The following ZNF131 variants were observed in gnomAD, a reference collection of about 807,000 sequenced individuals.
ZNF131 encodes the protein zinc finger and BTB domain containing 35, also known as zinc finger protein 131.
In ZNF131, 7 loss-of-function variants were observed where a neutral mutation model predicts 60.0. The ratio of observed to expected loss-of-function variants is 0.12; its 90% CI spans 0.07 to 0.22. ZNF131 has a LOEUF of 0.22. Among genes scored for constraint, ZNF131 ranks in the 10% least tolerant of loss-of-function variants. The pLI is 1.00. For missense variants in ZNF131, 493 were observed against 740.9 expected (o/e 0.67, Z 3.88); for synonymous variants, 257 against 253.2 (o/e 1.01, Z -0.14).
intron 4 of ZNF131, among the ~76,000 whole-genome samples, chr5:43,156,360 T>C (rs1209153422): frequency 6.6e-6 from 1 of 152,190 alleles, no homozygotes; most frequent in Non-Finnish European, 1.5e-5. Flanking sequence ...GATGAGTATA[T>C]TGCTTTCAGT....
At chr5:43,143,998 C>T (rs556163092) in intron 4 of ZNF131, among the ~76,000 whole-genome samples, 2 of 140,550 alleles carry the variant, frequency 1.4e-5, no homozygotes, top group African/African-American at 5.2e-5. Flanking sequence ...TCTTGGCTCA[C>T]TGCAAGCTCC....
intron 4 of ZNF131, chr5:43,143,489 C>A: frequency 8.9e-7 from 1 of 1,121,346 alleles, no homozygotes. Flanking sequence ...AATTTCCTAT[C>A]CCACTGGAAC....
chr5:43,159,712 A>G (rs1156364710), intron 4 of ZNF131, among the ~76,000 whole-genome samples: 2 of 151,492 alleles, frequency 1.3e-5, no homozygotes, highest in African/African-American at 4.8e-5. Context: ...AAAAAAAAAA[A>G]ACCAAACAAA....
At chr5:43,160,431 T>C (rs921746129) in intron 4 of ZNF131, among the ~76,000 whole-genome samples, 1 of 146,396 alleles carries the variant, frequency 6.8e-6, no homozygotes, top group African/African-American at 2.5e-5. Flanking sequence ...GCCCAAGAGG[T>C]TGAAGCCACA....
intron 5 of ZNF131, among the ~76,000 whole-genome samples, chr5:43,162,416 A>C (rs1749795927): frequency 6.6e-6 from 1 of 150,926 alleles, no homozygotes; most frequent in African/African-American, 2.4e-5. Context: ...ACATGGTGAA[A>C]CCTCATCTCT....
At chr5:43,137,379 A>G (rs1746253968) in intron 3 of ZNF131, among the ~76,000 whole-genome samples, 1 of 152,206 alleles carries the variant, frequency 6.6e-6, no homozygotes, top group African/African-American at 2.4e-5. Flanking sequence ...TGCCCAATTA[A>G]AAACAGTCTA....
At chr5:43,128,902 A>G (rs72748894) in intron 3 of ZNF131, among the ~76,000 whole-genome samples, 27,353 of 151,794 alleles carry the variant, frequency 0.18, 2,882 homozygotes, top group Middle Eastern at 0.33. Flanking sequence ...CACCAAGGCC[A>G]GCTAGTCTTT....
At chr5:43,168,147 A>C (rs1365971764) in intron 5 of ZNF131, 3 of 288,174 alleles carry the variant, frequency 1.0e-5, no homozygotes, top group Non-Finnish European at 2.1e-5. Context: ...TCTCTTCATG[A>C]GGGCAGAGCC....
chr5:43,147,367 G>A (rs1747730618), intron 4 of ZNF131, among the ~76,000 whole-genome samples: 1 of 151,244 alleles, frequency 6.6e-6, no homozygotes, highest in Admixed American at 6.6e-5. Context: ...GTTTAACTTT[G>A]GAAAACAGTT....
intron 4 of ZNF131, among the ~76,000 whole-genome samples, chr5:43,145,775 T>G (rs902997394): frequency 6.6e-6 from 1 of 152,198 alleles, no homozygotes; most frequent in Non-Finnish European, 1.5e-5. Flanking sequence ...TTTTAATATA[T>G]TTCAAATAGG....
At chr5:43,174,309 G>A (rs1410376210) in intron 6 of ZNF131, 138 bp from the exon 7 acceptor site, 8 of 770,578 alleles carry the variant, frequency 1.0e-5, no homozygotes, top group African/African-American at 5.3e-5. Flanking sequence ...TAGCTTGGAC[G>A]AGATTCTATT....
chr5:43,129,541 A>C (rs907756934), intron 3 of ZNF131, among the ~76,000 whole-genome samples: 2 of 152,190 alleles, frequency 1.3e-5, no homozygotes, highest in Admixed American at 6.5e-5. Flanking sequence ...CACAAATACT[A>C]ATAGTTTAGC....
At chr5:43,134,649 G>A (rs1745795815) in intron 3 of ZNF131, among the ~76,000 whole-genome samples, 2 of 147,522 alleles carry the variant, frequency 1.4e-5, no homozygotes, top group African/African-American at 5.0e-5. Context: ...TAAAGTTGCA[G>A]GATACAAAAT....
chr5:43,144,466 G>T (rs555863577), intron 4 of ZNF131, among the ~76,000 whole-genome samples: 1 of 151,926 alleles, frequency 6.6e-6, no homozygotes, highest in South Asian at 2.1e-4. Context: ...CTGACCTCAG[G>T]TGATCCACCT....
intron 1 of ZNF131, 176 bp from the exon 2 acceptor site, chr5:43,121,863 C>T: frequency 1.7e-6 from 1 of 605,366 alleles, no homozygotes; most frequent in South Asian, 2.5e-5. Context: ...CGGCTCCGGT[C>T]TCAACGCTCC....
At chr5:43,136,082 T>C (rs1296852880) in intron 3 of ZNF131, among the ~76,000 whole-genome samples, 1 of 152,172 alleles carries the variant, frequency 6.6e-6, no homozygotes, top group Non-Finnish European at 1.5e-5. Context: ...GTACTCCAGC[T>C]CGGGCAACAG....
At chr5:43,149,260 G>GA (rs36054171) in intron 4 of ZNF131, among the ~76,000 whole-genome samples, 60 of 142,062 alleles carry the variant, frequency 4.2e-4, no homozygotes, top group African/African-American at 6.2e-4. Flanking sequence ...GACAGAGGGA[G>GA]AAAAAAAAAA....
chr5:43,151,474 G>T (rs1377726168), intron 4 of ZNF131, among the ~76,000 whole-genome samples: 2 of 152,002 alleles, frequency 1.3e-5, no homozygotes, highest in Admixed American at 6.6e-5. Flanking sequence ...CTCACTCTGT[G>T]CCCAGGCTGG....
chr5:43,134,693 CTTTTTTTTTTTTTTT>C (rs149464238), intron 3 of ZNF131, among the ~76,000 whole-genome samples: 1 of 88,408 alleles, frequency 1.1e-5, no homozygotes, highest in Non-Finnish European at 2.0e-5. Flanking sequence ...TTCTTTTTTT[CTTTTTTTTTTTTTTT>C]TTTTTTTGGG....
Sources: allele counts gnomAD v4.1 joint callset (sites outside exome capture counted in the v4.1 genomes callset), GRCh38; gene constraint gnomAD v4.1.1; transcripts MANE v1.5; gene names NCBI Gene and HGNC (gene_info 2026-07-23, HGNC 2026-07-21).